TMOD1: variants seen among roughly 807,000 people sequenced by gnomAD.
TMOD1 encodes the protein tropomodulin-1.
In TMOD1, 17 loss-of-function variants were observed where a neutral mutation model predicts 40.6. That is an observed-to-expected ratio of 0.42 (90% CI 0.29 to 0.63). The LOEUF (loss-of-function observed/expected upper bound fraction) is 0.63, where lower values mean the gene tolerates loss of function less well. TMOD1 is among the 20% of genes least tolerant of loss of function. The pLI is 0.22. For missense variants in TMOD1, 391 were observed against 447.6 expected (o/e 0.87, Z 1.14); for synonymous variants, 181 against 175.0 (o/e 1.03, Z -0.27).
Position 97,600,823 on chromosome 9 carries a change from T to C in TMOD1, c.*1125T>C. 1 of 1,079,046 alleles carries C rather than the reference T, an allele frequency of 9.3e-7. No homozygotes were observed. Among genetic ancestry groups the C allele is most frequent in the Non-Finnish European group, 1.1e-6 (1 of 883,006 alleles). 66.8% of individuals were successfully genotyped at this position (1,079,046 alleles called of 1,614,324 possible). On this transcript the variant is annotated 3_prime_UTR_variant, in exon 10 of 10. Coordinates refer to ENST00000259365, the MANE Select transcript of TMOD1 (RefSeq NM_003275.4). ...ACTGCTGCCAGATCTCTTTTTAACA[T>C]CATGTGCGTCTCTTGGGATCCAGCA...
At chr9:97,595,192 G>T (rs1826082861) in intron 9 of TMOD1, among the ~76,000 whole-genome samples, 1 of 152,178 alleles carries the variant, frequency 6.6e-6, no homozygotes. Flanking sequence ...TAAATTAAGT[G>T]AATTAGCATA....
chr9:97,540,710 GT>G (rs142192063), intron 2 of TMOD1, among the ~76,000 whole-genome samples: 4 of 151,614 alleles, frequency 2.6e-5, no homozygotes, highest in Admixed American at 1.3e-4. Context: ...GTAGTACTAC[GT>G]TTTTTTTCAC....
chr9:97,574,185 A>T (rs1830871633), intron 8 of TMOD1, among the ~76,000 whole-genome samples: 1 of 151,982 alleles, frequency 6.6e-6, no homozygotes, highest in African/African-American at 2.4e-5. Flanking sequence ...GCAAGGCCAG[A>T]GCCGGCTCCC....
At chr9:97,520,741 A>C (rs1829901508) in intron 1 of TMOD1, among the ~76,000 whole-genome samples, 1 of 152,162 alleles carries the variant, frequency 6.6e-6, no homozygotes, top group African/African-American at 2.4e-5. Context: ...GGGTGCAGTA[A>C]GAGGAGACTT....
intron 1 of TMOD1, among the ~76,000 whole-genome samples, chr9:97,511,626 C>T (rs1829701350): frequency 6.6e-6 from 1 of 152,068 alleles, no homozygotes; most frequent in Non-Finnish European, 1.5e-5. Flanking sequence ...ATTCTGTCAC[C>T]CAGGCTGGAG....
At chr9:97,580,097 G>A (rs1825711531) in intron 8 of TMOD1, among the ~76,000 whole-genome samples, 1 of 152,138 alleles carries the variant, frequency 6.6e-6, no homozygotes, top group African/African-American at 2.4e-5. Flanking sequence ...AGATGGGGCT[G>A]TGTCCTGTTG....
intron 7 of TMOD1, among the ~76,000 whole-genome samples, chr9:97,567,120 A>G (rs928336083): frequency 3.9e-5 from 6 of 152,252 alleles, no homozygotes; most frequent in African/African-American, 1.4e-4. Context: ...AATAATAGAA[A>G]TAGCTCACAG....
chr9:97,529,919 T>C (rs1830073333), intron 2 of TMOD1, among the ~76,000 whole-genome samples: 1 of 152,222 alleles, frequency 6.6e-6, no homozygotes, highest in African/African-American at 2.4e-5. Flanking sequence ...CATTTAGTCC[T>C]CTGGGAGGGT....
intron 2 of TMOD1, among the ~76,000 whole-genome samples, chr9:97,542,446 G>A (rs1830287937): frequency 6.6e-6 from 1 of 152,122 alleles, no homozygotes; most frequent in Admixed American, 6.5e-5. Flanking sequence ...TTTATGTTAT[G>A]TAAATAATAT....
At chr9:97,575,002 A>G (rs977726875) in intron 8 of TMOD1, among the ~76,000 whole-genome samples, 18 of 152,232 alleles carry the variant, frequency 1.2e-4, no homozygotes, top group Admixed American at 2.6e-4. Flanking sequence ...GGGTGGGGCC[A>G]GATAAGAGAA....
At chr9:97,579,216 T>C (rs895044557) in intron 8 of TMOD1, among the ~76,000 whole-genome samples, 10 of 152,158 alleles carry the variant, frequency 6.6e-5, no homozygotes, top group Non-Finnish European at 1.2e-4. Flanking sequence ...CAGCTGCAAT[T>C]CGTGCTTGTC....
chr9:97,529,242 T>C lies in TMOD1; in HGVS notation c.120+4934T>C, dbSNP rs140729191. 4.2e-3 allele frequency among the ~76,000 whole-genome samples: 642 copies of C among 152,326 alleles called. 17 individuals are homozygous for C. Among genetic ancestry groups the C allele is most frequent in the East Asian group, 0.03 (153 of 5,186 alleles). The stretch of plus-strand genomic sequence containing the variant: ...GGTGCAGAAGTCCAGGTTCCAGTCC[T>C]GGCTCTGCTCTGGACTTGGGTACGT... On this transcript the variant is annotated intron_variant, in intron 2 of 9. Transcript: ENST00000259365.
intron 2 of TMOD1, among the ~76,000 whole-genome samples, chr9:97,538,864 G>T (rs1490807740): frequency 6.6e-6 from 1 of 151,870 alleles, no homozygotes; most frequent in Non-Finnish European, 1.5e-5. Flanking sequence ...AATTAGCCGG[G>T]CATGGTGGCA....
intron 1 of TMOD1, among the ~76,000 whole-genome samples, chr9:97,507,916 A>T (rs10982444): frequency 1.3e-5 from 2 of 151,914 alleles, no homozygotes; most frequent in Non-Finnish European, 2.9e-5. Flanking sequence ...AGGGCATAGT[A>T]GTTAAGGCGG....
chr9:97,600,321 A>G lies in TMOD1; in HGVS notation c.*623A>G. 1.0e-6 allele frequency: 1 copy of G among 986,060 alleles called. No individual in the cohort carries two copies. The highest frequency in any genetic ancestry group is 1.7e-5 in the African/African-American group (1 of 57,352). 61.1% of individuals were successfully genotyped at this position (986,060 alleles called of 1,614,324 possible). ...TTGCTGGATATGCAGAAATGATAGG[A>G]AAAAAACCAATGGTGAAATTTCAAG... On this transcript the variant is annotated 3_prime_UTR_variant, in exon 10 of 10. Transcript: ENST00000259365.
rs1829514307 is a variant in TMOD1 at position 97,502,247 on chromosome 9, G to T, written c.-49+444G>T. Reference sequence around the variant, plus strand: ...CAGCCGGAGCTGGGCTCGGGGGCGCGGCCTCTTCTCCGCCTGCAAGAGTCT... The same window carrying T: ...CAGCCGGAGCTGGGCTCGGGGGCGCTGCCTCTTCTCCGCCTGCAAGAGTCT... On this transcript the variant is annotated intron_variant, in intron 1 of 9. Transcript: ENST00000259365. This position sits in a 1 kb window ranked among gnomAD's most constrained non-coding sequence, Gnocchi z 6.1. Among the ~76,000 whole-genome samples, 1 of 152,164 alleles carries T rather than the reference G, an allele frequency of 6.6e-6. No individual in the cohort carries two copies. The highest frequency in any genetic ancestry group is 6.5e-5 in the Admixed American group (1 of 15,290).
intron 5 of TMOD1, 88 bp from the exon 6 acceptor site, chr9:97,563,950 C>T: frequency 6.5e-7 from 1 of 1,532,792 alleles, no homozygotes; most frequent in Non-Finnish European, 8.8e-7. Context: ...CCCAACCCTG[C>T]ACATGCTCCC....
At chr9:97,549,813 C>G (rs890219521) in intron 3 of TMOD1, among the ~76,000 whole-genome samples, 2 of 152,152 alleles carry the variant, frequency 1.3e-5, no homozygotes, top group Admixed American at 1.3e-4. Context: ...TGCACCCACA[C>G]CAACCTCCTA....
chr9:97,532,708 G>A (rs748682944), intron 2 of TMOD1, among the ~76,000 whole-genome samples: 29 of 152,036 alleles, frequency 1.9e-4, no homozygotes, highest in African/African-American at 3.9e-4. Context: ...TCTACTGAGC[G>A]CTTTCTATTG....
Sources: allele counts gnomAD v4.1 joint callset (sites outside exome capture counted in the v4.1 genomes callset), GRCh38; gene constraint gnomAD v4.1.1; non-coding constraint Gnocchi (gnomAD v3.1); transcripts MANE v1.5; gene names NCBI Gene and HGNC (gene_info 2026-07-23, HGNC 2026-07-21).